DIAPH3: variants seen among roughly 807,000 people sequenced by gnomAD.
DIAPH3 encodes protein diaphanous homolog 3.
DIAPH3 carries 117 observed loss-of-function variants against 144.3 expected under a neutral mutation model. That is an observed-to-expected ratio of 0.81 (90% CI 0.70 to 0.95). The LOEUF (loss-of-function observed/expected upper bound fraction) is 0.95, where lower values mean the gene tolerates loss of function less well. Among genes scored for constraint, DIAPH3 ranks in the 40% least tolerant of loss-of-function variants. The pLI is 0.00. For synonymous variants in DIAPH3, 519 were observed against 488.9 expected (o/e 1.06, Z -0.81); for missense variants, 1,421 against 1,412.7 (o/e 1.01, Z -0.09).
chr13:59,741,187 T>C (rs1044507142), intron 27 of DIAPH3, among the ~76,000 whole-genome samples: 3 of 152,070 alleles, frequency 2.0e-5, no homozygotes, highest in African/African-American at 4.8e-5. Context: ...GCTGGGGTAG[T>C]TAGGAAAGAA....
intron 25 of DIAPH3, among the ~76,000 whole-genome samples, chr13:59,809,131 C>T (rs1257774794): frequency 1.3e-5 from 2 of 152,154 alleles, no homozygotes; most frequent in South Asian, 2.1e-4. Flanking sequence ...TGATCAGACC[C>T]TGGGCAAAAC....
At chr13:59,990,930 C>G (rs978217313) in intron 12 of DIAPH3, among the ~76,000 whole-genome samples, 1 of 151,804 alleles carries the variant, frequency 6.6e-6, no homozygotes. Flanking sequence ...CATTTTTATT[C>G]AGATGAAAGG....
intron 27 of DIAPH3, among the ~76,000 whole-genome samples, chr13:59,683,013 T>A (rs2033023997): frequency 6.6e-6 from 1 of 152,222 alleles, no homozygotes; most frequent in South Asian, 2.1e-4. Flanking sequence ...GTTTCATAAT[T>A]CTTTGGTGTA....
At chr13:59,716,216 C>A (rs573046849) in intron 27 of DIAPH3, among the ~76,000 whole-genome samples, 11 of 152,108 alleles carry the variant, frequency 7.2e-5, no homozygotes. Flanking sequence ...GCTTTTTCCG[C>A]CCAGGCCAGA....
intron 24 of DIAPH3, among the ~76,000 whole-genome samples, chr13:59,820,459 T>A (rs1032009478): frequency 6.6e-6 from 1 of 151,942 alleles, no homozygotes; most frequent in Admixed American, 6.6e-5. Flanking sequence ...GAGATTTCAT[T>A]CTGGAAAAAA....
In DIAPH3 at chr13:59,666,755, A is replaced by G; in HGVS notation, c.3411T>C (p.Asn1137=). ...TAGACGTATGAGTGTCTAGATTATA[A>G]TTAAGCTCCTTGGCGACTGGAGTCC... is the stretch of plus-strand genomic sequence containing the variant. The part of the protein sequence containing the change: ...STRTPVAKEL[N]YNLDTHTSTG... Residue 1137 remains asparagine, a synonymous_variant, in exon 28 of 28, where the codon AAT becomes AAC. Transcript: ENST00000400324. 1 of 1,614,122 alleles carries G rather than the reference A, an allele frequency of 6.2e-7. No homozygotes were observed. The highest frequency in any genetic ancestry group is 8.5e-7 in the Non-Finnish European group (1 of 1,180,006).
intron 27 of DIAPH3, among the ~76,000 whole-genome samples, chr13:59,675,531 C>T (rs1203655436): frequency 6.6e-6 from 1 of 152,036 alleles, no homozygotes; most frequent in Non-Finnish European, 1.5e-5. Flanking sequence ...ACTATAGGCG[C>T]CCGCCACCAC....
intron 27 of DIAPH3, among the ~76,000 whole-genome samples, chr13:59,750,220 G>A (rs1007844691): frequency 2.0e-5 from 3 of 152,088 alleles, no homozygotes. Context: ...AGGCACATAC[G>A]TTAAATTTAT....
intron 23 of DIAPH3, among the ~76,000 whole-genome samples, chr13:59,834,915 G>A (rs1216001835): frequency 1.3e-5 from 2 of 151,642 alleles, no homozygotes; most frequent in African/African-American, 4.8e-5. Flanking sequence ...CCATTTGAGA[G>A]GTAGATAACA....
intron 17 of DIAPH3, among the ~76,000 whole-genome samples, chr13:59,948,908 A>T (rs565957690): frequency 6.9e-6 from 1 of 145,486 alleles, no homozygotes; most frequent in East Asian, 2.0e-4. Context: ...AAGGAAGGAA[A>T]CTTCAACAAA....
intron 5 of DIAPH3, among the ~76,000 whole-genome samples, chr13:60,023,361 T>C (rs1594380659): frequency 6.6e-6 from 1 of 152,192 alleles, no homozygotes; most frequent in Non-Finnish European, 1.5e-5. Flanking sequence ...CTTGGTAATA[T>C]ATCTTGTTTA....
At chr13:59,725,577 T>A (rs2035567733) in intron 27 of DIAPH3, among the ~76,000 whole-genome samples, 1 of 152,182 alleles carries the variant, frequency 6.6e-6, no homozygotes, top group Non-Finnish European at 1.5e-5. Flanking sequence ...CTTCTGAACT[T>A]GCAGCAAGAC....
intron 4 of DIAPH3, among the ~76,000 whole-genome samples, chr13:60,073,564 A>G (rs1435644045): frequency 6.6e-6 from 1 of 152,230 alleles, no homozygotes; most frequent in Non-Finnish European, 1.5e-5. Flanking sequence ...ATATATTTTA[A>G]TGTAGTAACA....
chr13:59,936,548 GC>G (rs1169432832), intron 17 of DIAPH3, among the ~76,000 whole-genome samples: 8 of 152,150 alleles, frequency 5.3e-5, no homozygotes, highest in Non-Finnish European at 1.0e-4. Flanking sequence ...GAAAAGTTAA[GC>G]CTATCTATCA....
At chr13:59,682,677 C>G (rs192445203) in intron 27 of DIAPH3, among the ~76,000 whole-genome samples, 6,476 of 149,496 alleles carry the variant, frequency 0.043, 224 homozygotes, top group South Asian at 0.1. Flanking sequence ...CTGCATAAAA[C>G]TGTCTGTATA....
intron 27 of DIAPH3, among the ~76,000 whole-genome samples, chr13:59,691,523 T>C (rs535756475): frequency 6.6e-6 from 1 of 152,288 alleles, no homozygotes; most frequent in Admixed American, 6.5e-5. Context: ...ATGCTTTATA[T>C]CAGCAAAATT....
intron 22 of DIAPH3, among the ~76,000 whole-genome samples, chr13:59,844,981 A>G (rs1031632323): frequency 6.6e-6 from 1 of 151,952 alleles, no homozygotes; most frequent in Admixed American, 6.6e-5. Flanking sequence ...ATAGTACTTA[A>G]TTCCTTCCTG....
At chr13:59,666,992 G>C in intron 27 of DIAPH3, 146 bp from the exon 28 acceptor site, 1 of 1,014,632 alleles carries the variant, frequency 9.9e-7, no homozygotes, top group Non-Finnish European at 1.4e-6. Context: ...AACAGAGTAA[G>C]ACAGGTTTAA....
rs180886484 is a variant in DIAPH3 at position 60,163,365 on chromosome 13, C to T, written c.180+222G>A. 3.3e-3 allele frequency among the ~76,000 whole-genome samples: 503 copies of T among 152,334 alleles called. 2 individuals are homozygous for T. Among genetic ancestry groups the T allele is most frequent in the African/African-American group, 0.011 (463 of 41,580 alleles). The stretch of plus-strand genomic sequence containing the variant: ...TCAATACATATACACGTTTGAACTG[C>T]TTTTCACATCAGCGTTAAGAAATTT... On this transcript the variant is annotated intron_variant, in intron 1 of 27. Transcript: ENST00000400324.
Sources: gnomAD v4.1 joint callset for allele counts (sites outside exome capture counted in the v4.1 genomes callset) on GRCh38, gnomAD v4.1.1 for gene constraint, MANE v1.5 for transcripts, NCBI Gene and HGNC (gene_info 2026-07-23, HGNC 2026-07-21) for gene names.